The following FHIT variants were observed in gnomAD, a reference collection of about 807,000 sequenced individuals.
FHIT encodes bis(5'-adenosyl)-triphosphatase.
FHIT carries 19 observed loss-of-function variants against 17.9 expected under a neutral mutation model. The ratio of observed to expected loss-of-function variants is 1.06; its 90% CI spans 0.74 to 1.56. The LOEUF (loss-of-function observed/expected upper bound fraction) is 1.56, where lower values mean the gene tolerates loss of function less well. Ranked by LOEUF, FHIT falls within the 40% of genes most tolerant of loss-of-function variation. The pLI is 0.00. For synonymous variants in FHIT, 81 were observed against 69.7 expected, an observed-to-expected ratio of 1.16 and a Z score of -0.81; for missense variants, 248 against 189.2, an observed-to-expected ratio of 1.31 and a Z score of -1.82.
At chr3:60,295,363 A>G (rs1708161187) in intron 5 of FHIT, among the ~76,000 whole-genome samples, 1 of 152,160 alleles carries the variant, frequency 6.6e-6, no homozygotes, top group Non-Finnish European at 1.5e-5. Flanking sequence ...CATGATGCTA[A>G]CATCTGCTTC....
chr3:60,724,964 C>T (rs1033388090), intron 4 of FHIT, among the ~76,000 whole-genome samples: 1 of 151,964 alleles, frequency 6.6e-6, no homozygotes, highest in Non-Finnish European at 1.5e-5. Flanking sequence ...TGTCTTTTTG[C>T]TAATAACCGT....
At chr3:59,820,586 C>T (rs1384331716) in intron 8 of FHIT, among the ~76,000 whole-genome samples, 3 of 152,232 alleles carry the variant, frequency 2.0e-5, no homozygotes, top group African/African-American at 4.8e-5. Flanking sequence ...CACAGCAATG[C>T]TCGTTTGTTT....
intron 4 of FHIT, among the ~76,000 whole-genome samples, chr3:60,751,074 A>G (rs971978252): frequency 6.6e-5 from 10 of 152,228 alleles, no homozygotes; most frequent in African/African-American, 1.4e-4. Flanking sequence ...AGTGTTGTTC[A>G]GTCATCTTTC....
chr3:60,108,197 CCAT>C (rs1396966045), intron 5 of FHIT, among the ~76,000 whole-genome samples: 1 of 152,112 alleles, frequency 6.6e-6, no homozygotes, highest in Non-Finnish European at 1.5e-5. Context: ...GGGGTTATTT[CCAT>C]CATAAGGCAT....
chr3:61,207,200 G>A (rs2039269621), intron 1 of FHIT, among the ~76,000 whole-genome samples: 1 of 152,172 alleles, frequency 6.6e-6, no homozygotes, highest in South Asian at 2.1e-4. Flanking sequence ...GCTTTTTGAT[G>A]TGCTGCTGGA....
At chr3:59,989,479 A>G (rs1372279450) in intron 7 of FHIT, among the ~76,000 whole-genome samples, 1 of 152,068 alleles carries the variant, frequency 6.6e-6, no homozygotes, top group Non-Finnish European at 1.5e-5. Context: ...AGAAGTGACC[A>G]TGGGAAGACA....
chr3:61,216,149 T>G (rs1474025317), intron 1 of FHIT, among the ~76,000 whole-genome samples: 4 of 152,198 alleles, frequency 2.6e-5, no homozygotes. Context: ...AAATGGGATC[T>G]AATTAAACTC....
intron 5 of FHIT, among the ~76,000 whole-genome samples, chr3:60,530,795 C>T (rs2035748775): frequency 6.6e-6 from 1 of 152,166 alleles, no homozygotes; most frequent in Non-Finnish European, 1.5e-5. Flanking sequence ...GGATTTTAGA[C>T]ACTGAAAAAA....
At chr3:59,871,951 G>A (rs1398689909) in intron 8 of FHIT, among the ~76,000 whole-genome samples, 2 of 152,130 alleles carry the variant, frequency 1.3e-5, no homozygotes, top group Non-Finnish European at 2.9e-5. Context: ...TCTAAACAGC[G>A]GTGATAAATG....
intron 2 of FHIT, among the ~76,000 whole-genome samples, chr3:61,145,194 T>C (rs1168521558): frequency 6.6e-6 from 1 of 152,130 alleles, no homozygotes. Context: ...CTATGATCCA[T>C]ATTGAGCTAA....
chr3:61,093,059 T>TA (rs1286852749), intron 2 of FHIT, among the ~76,000 whole-genome samples: 1 of 152,156 alleles, frequency 6.6e-6, no homozygotes, highest in East Asian at 1.9e-4. Flanking sequence ...GGTCCACCCT[T>TA]AGCAGCTGTG....
intron 5 of FHIT, among the ~76,000 whole-genome samples, chr3:60,081,826 C>G (rs181453180): frequency 6.6e-6 from 1 of 152,142 alleles, no homozygotes; most frequent in East Asian, 1.9e-4. Context: ...GCATCTTTTC[C>G]TGTTTCTTTT....
chr3:61,111,759 G>A (rs910271333), intron 2 of FHIT, among the ~76,000 whole-genome samples: 1 of 152,140 alleles, frequency 6.6e-6, no homozygotes, highest in African/African-American at 2.4e-5. Context: ...AACTAATATT[G>A]ATTGAGGTCT....
intron 1 of FHIT, among the ~76,000 whole-genome samples, chr3:61,207,956 C>T (rs995744041): frequency 1.3e-5 from 2 of 152,078 alleles, no homozygotes; most frequent in Admixed American, 6.6e-5. Context: ...GCATTTAGTG[C>T]TATAAATTTC....
chr3:60,190,534 A>T (rs1329460413), intron 5 of FHIT, among the ~76,000 whole-genome samples: 1 of 151,960 alleles, frequency 6.6e-6, no homozygotes. Flanking sequence ...AGATCACCTG[A>T]GGTCAGGAGT....
chr3:59,989,086 G>T (rs995950986), intron 7 of FHIT, among the ~76,000 whole-genome samples: 3 of 151,992 alleles, frequency 2.0e-5, no homozygotes, highest in Non-Finnish European at 2.9e-5. Flanking sequence ...TCTGGGAAGG[G>T]GAGCCAATCT....
intron 8 of FHIT, among the ~76,000 whole-genome samples, chr3:59,906,181 C>T (rs866413645): frequency 6.6e-6 from 1 of 152,182 alleles, no homozygotes; most frequent in Admixed American, 6.5e-5. Context: ...CTCTTGAATA[C>T]AGAGAGCTGG....
intron 5 of FHIT, among the ~76,000 whole-genome samples, chr3:60,061,249 G>A (rs1702282092): frequency 6.6e-6 from 1 of 152,240 alleles, no homozygotes; most frequent in Non-Finnish European, 1.5e-5. Flanking sequence ...GAAAGGACCT[G>A]TGTAAAAATC....
At chr3:60,793,995 A>G (rs566705769) in intron 4 of FHIT, among the ~76,000 whole-genome samples, 75 of 152,182 alleles carry the variant, frequency 4.9e-4, no homozygotes, top group Non-Finnish European at 9.4e-4. Context: ...GCAAAGAAGC[A>G]AATGGTCCAA....
Sources: allele counts gnomAD v4.1 joint callset (sites outside exome capture counted in the v4.1 genomes callset), GRCh38; gene constraint gnomAD v4.1.1; transcripts MANE v1.5; gene names NCBI Gene and HGNC (gene_info 2026-07-23, HGNC 2026-07-21).